The following CENPO variants were observed in gnomAD, a reference collection of about 807,000 sequenced individuals.
CENPO encodes the protein centromere protein O, also known as centromeric protein O.
CENPO carries 30 observed loss-of-function variants against 36.1 expected under a neutral mutation model. That is an observed-to-expected ratio of 0.83 (90% CI 0.62 to 1.13). The LOEUF (loss-of-function observed/expected upper bound fraction) is 1.13, where lower values mean the gene tolerates loss of function less well. Ranked by LOEUF, CENPO falls within the 50% of genes most tolerant of loss-of-function variation. The probability of loss-of-function intolerance (pLI) is 0.00; values close to 1 mark genes in which losing one functional copy is unlikely to be tolerated. For missense variants in CENPO, 349 were observed against 357.8 expected (o/e 0.98, Z 0.20); for synonymous variants, 171 against 142.3 (o/e 1.20, Z -1.44).
At chr2:24,807,804 G>C (rs923137809) in intron 3 of CENPO, among the ~76,000 whole-genome samples, 1 of 152,172 alleles carries the variant, frequency 6.6e-6, no homozygotes, top group African/African-American at 2.4e-5. Flanking sequence ...GCTATTGTCA[G>C]TTTTAAAAAT....
chr2:24,812,705 A>G (rs1558379028), intron 3 of CENPO, among the ~76,000 whole-genome samples: 2 of 151,800 alleles, frequency 1.3e-5, no homozygotes, highest in African/African-American at 2.4e-5. Flanking sequence ...GAGTTACTGT[A>G]TTTTTTTGGT....
At chr2:24,808,572 T>C (rs562009537) in intron 3 of CENPO, among the ~76,000 whole-genome samples, 4 of 152,334 alleles carry the variant, frequency 2.6e-5, no homozygotes, top group Admixed American at 1.3e-4. Flanking sequence ...TATTATGATA[T>C]TAAATTTTCT....
chr2:24,819,853 C>A lies in CENPO; in HGVS notation c.*535C>A. 1 of 1,464,000 alleles carries A rather than the reference C, an allele frequency of 6.8e-7. No homozygotes were observed. The highest frequency in any genetic ancestry group is 9.3e-7 in the Non-Finnish European group (1 of 1,073,950). 90.7% of individuals were successfully genotyped at this position (1,464,000 alleles called of 1,614,324 possible). A position where few individuals can be genotyped will look rare whatever the true frequency, so the allele number is the denominator to read the frequency against. On this transcript the variant is annotated 3_prime_UTR_variant, in exon 8 of 8. Transcript: ENST00000380834. ...AAAGTCCATGAGTGTGCACTTCAAT[C>A]CAGGAAGGTCGGGACTTCCTTCAGT...
In CENPO at chr2:24,817,731, T is replaced by C; in HGVS notation, c.828T>C (p.Cys276=). The C allele has an allele frequency of 6.2e-7, 1 of 1,614,250 alleles. No individual in the cohort carries two copies. Among genetic ancestry groups the C allele is most frequent in the Non-Finnish European group, 8.5e-7 (1 of 1,180,038 alleles). ...EQRASHETLF[C]TKPLHQVFAS... ...GAGCATCTCATGAAACTCTGTTCTG[T>C]ACGAAGCCCTTGCATCAAGTGTTTG... The change falls in exon 7 of 8, where the codon TGT becomes TGC. Residue 276 remains cysteine (C), a synonymous_variant. Coordinates refer to ENST00000380834, the MANE Select transcript of CENPO (RefSeq NM_001322101.2).
chr2:24,821,061 T>G lies in CENPO; in HGVS notation c.*1743T>G. ...TGTCAGCCGCCACCCCCCCCCCATA[T>G]GCAGATTTACTCGGCATGGTAGTGG... is the stretch of plus-strand genomic sequence containing the variant. On this transcript the variant is annotated 3_prime_UTR_variant, in exon 8 of 8. Coordinates refer to ENST00000380834, the MANE Select transcript of CENPO (RefSeq NM_001322101.2). 3.2e-6 allele frequency: 2 copies of G among 622,264 alleles called. No individual in the cohort carries two copies. The highest frequency in any genetic ancestry group is 3.2e-5 in the Admixed American group (1 of 30,798). 38.5% of individuals were successfully genotyped at this position (622,264 alleles called of 1,614,324 possible). A position where few individuals can be genotyped will look rare whatever the true frequency, so the allele number is the denominator to read the frequency against.
chr2:24,810,172 T>C (rs1666612404), intron 3 of CENPO, among the ~76,000 whole-genome samples: 1 of 152,222 alleles, frequency 6.6e-6, no homozygotes, highest in Admixed American at 6.5e-5. Flanking sequence ...TCTATGTTTC[T>C]ATATATATTG....
intron 3 of CENPO, among the ~76,000 whole-genome samples, chr2:24,810,333 C>T (rs372722350): frequency 3.3e-5 from 5 of 151,762 alleles, no homozygotes; most frequent in Admixed American, 6.6e-5. Flanking sequence ...TAATCCCAGC[C>T]GTTTGTGAGA....
intron 3 of CENPO, among the ~76,000 whole-genome samples, chr2:24,806,165 G>A (rs752489654): frequency 2.8e-4 from 42 of 152,306 alleles, no homozygotes; most frequent in African/African-American, 4.8e-4. Context: ...TGCTAAGACC[G>A]TTGGAAAAGC....
At chr2:24,811,561 A>G (rs1013805754) in intron 3 of CENPO, among the ~76,000 whole-genome samples, 20 of 151,554 alleles carry the variant, frequency 1.3e-4, no homozygotes, top group Non-Finnish European at 2.5e-4. Context: ...TCCTGGGTTC[A>G]TGCCATTCTC....
chr2:24,802,089 A>T (rs1429113507), intron 3 of CENPO, among the ~76,000 whole-genome samples: 1 of 152,276 alleles, frequency 6.6e-6, no homozygotes, highest in East Asian at 1.9e-4. Context: ...CTTTGTAGCA[A>T]TTGTGAGTGG....
Position 24,820,294 on chromosome 2 carries a change from G to A in CENPO, c.*976G>A. ...CGTGGCGAGCAGCGGGTGGGAAGGAGAACCCTGGAGTGACTGGCTGGGGGC... is the reference window on the plus strand; with the variant it reads ...CGTGGCGAGCAGCGGGTGGGAAGGAAAACCCTGGAGTGACTGGCTGGGGGC... On this transcript the variant is annotated 3_prime_UTR_variant, in exon 8 of 8. Transcript: ENST00000380834. The A allele has an allele frequency of 7.8e-7, 1 of 1,287,786 alleles. No homozygotes were observed. Among genetic ancestry groups the A allele is most frequent in the Non-Finnish European group, 1.0e-6 (1 of 1,000,846 alleles). 79.8% of individuals were successfully genotyped at this position (1,287,786 alleles called of 1,614,324 possible). A position where few individuals can be genotyped will look rare whatever the true frequency, so the allele number is the denominator to read the frequency against.
Position 24,815,648 on chromosome 2 carries a change from A to G in CENPO, c.486A>G (p.Glu162=). 1 of 1,613,890 alleles carries G rather than the reference A, an allele frequency of 6.2e-7. No individual in the cohort carries two copies. The highest frequency in any genetic ancestry group is 8.5e-7 in the Non-Finnish European group (1 of 1,179,722). Residue 162 remains glutamate, a synonymous_variant, in exon 5 of 8, where the codon GAA becomes GAG. Transcript: ENST00000380834. ...CAGTCCCAGTCTTCATTCCCCTGGA[A>G]GAGATAGCTGCAAAATATTTACAGA... ...HHSVPVFIPL[E]EIAAKYLQTN...
chr2:24,809,982 G>A (rs963742784), intron 3 of CENPO, among the ~76,000 whole-genome samples: 1 of 151,498 alleles, frequency 6.6e-6, no homozygotes, highest in Non-Finnish European at 1.5e-5. Context: ...TGGGAGGCGG[G>A]GGTTACAGTG....
At chr2:24,802,639 T>C (rs1158330349) in intron 3 of CENPO, among the ~76,000 whole-genome samples, 3 of 152,266 alleles carry the variant, frequency 2.0e-5, no homozygotes, top group African/African-American at 7.2e-5. Flanking sequence ...TTTATTGATT[T>C]GCATATGTTG....
chr2:24,816,584 G>A (rs926440180), intron 5 of CENPO, 62 bp from the exon 6 acceptor site: 8 of 1,275,290 alleles, frequency 6.3e-6, no homozygotes, highest in African/African-American at 1.5e-5. Flanking sequence ...TGAAGGGTCA[G>A]TAAACACCAC....
intron 3 of CENPO, among the ~76,000 whole-genome samples, chr2:24,806,686 A>G (rs930708847): frequency 2.0e-5 from 3 of 152,168 alleles, no homozygotes; most frequent in African/African-American, 7.2e-5. Context: ...ATTCCCAGCA[A>G]TAGTTGTATA....
At chr2:24,804,172 C>G (rs1271548692) in intron 3 of CENPO, among the ~76,000 whole-genome samples, 1 of 150,848 alleles carries the variant, frequency 6.6e-6, no homozygotes, top group African/African-American at 2.4e-5. Context: ...TTTTTGTTTT[C>G]CATTTGCTTG....
chr2:24,806,410 T>C (rs181591316), intron 3 of CENPO, among the ~76,000 whole-genome samples: 1 of 152,328 alleles, frequency 6.6e-6, no homozygotes, highest in East Asian at 1.9e-4. Flanking sequence ...GTCTTCTGCG[T>C]TGCTCACGCT....
chr2:24,814,662 C>T (rs1470668098), intron 4 of CENPO, 169 bp downstream of exon 4: 1 of 593,738 alleles, frequency 1.7e-6, no homozygotes, highest in Non-Finnish European at 3.0e-6. Flanking sequence ...AGCTGACGTG[C>T]TATTTGTAGG....
Sources: gnomAD v4.1 joint callset for allele counts (sites outside exome capture counted in the v4.1 genomes callset) on GRCh38, gnomAD v4.1.1 for gene constraint, MANE v1.5 for transcripts, NCBI Gene and HGNC (gene_info 2026-07-23, HGNC 2026-07-21) for gene names.